LARGE1: variants seen among roughly 807,000 people sequenced by gnomAD.
The protein encoded by LARGE1 is xylosyl- and glucuronyltransferase LARGE1.
Under a neutral mutation model 87.6 loss-of-function variants are expected in LARGE1, and 43 were observed. The observed-to-expected ratio is 0.49, with a 90% CI of 0.38 to 0.63. The LOEUF is 0.63. LARGE1 is among the 30% of genes least tolerant of loss of function. The pLI is 0.00. For missense variants in LARGE1, 802 were observed against 1,000.2 expected (o/e 0.80, Z 2.67); for synonymous variants, 434 against 394.6 (o/e 1.10, Z -1.18).
chr22:33,084,806 T>C, the LARGE1 span, among the ~76,000 whole-genome samples: 1 of 152,238 alleles, frequency 6.6e-6, no homozygotes, highest in Non-Finnish European at 1.5e-5. Flanking sequence ...ATACTACCAT[T>C]TCAACATCTA....
intron 1 of LARGE1, among the ~76,000 whole-genome samples, chr22:33,822,724 G>A (rs1050191340): frequency 1.3e-5 from 2 of 152,136 alleles, no homozygotes; most frequent in African/African-American, 2.4e-5. Context: ...TTAAAAGAAA[G>A]AAATGTAAAT....
chr22:33,711,668 T>C (rs1285755449), intron 2 of LARGE1, among the ~76,000 whole-genome samples: 2 of 152,044 alleles, frequency 1.3e-5, no homozygotes, highest in Non-Finnish European at 2.9e-5. Context: ...TGTTTTAGAG[T>C]TGGGGTCTCA....
At chr22:33,098,721 C>A in the LARGE1 span, among the ~76,000 whole-genome samples, 5 of 152,268 alleles carry the variant, frequency 3.3e-5, no homozygotes, top group South Asian at 1.0e-3. Context: ...AGAAAGAAAC[C>A]TTCCTAGAGC....
intron 11 of LARGE1, among the ~76,000 whole-genome samples, chr22:33,309,165 C>A (rs1201892394): frequency 6.7e-6 from 1 of 148,622 alleles, no homozygotes; most frequent in African/African-American, 2.5e-5. Context: ...GAATGAGATT[C>A]GTGCCTTTTT....
chr22:33,492,956 A>T (rs909344227), intron 6 of LARGE1, among the ~76,000 whole-genome samples: 7 of 152,068 alleles, frequency 4.6e-5, no homozygotes, highest in Admixed American at 1.3e-4. Flanking sequence ...CTCTGCTGTG[A>T]TGCTTCCTCT....
Position 33,304,492 on chromosome 22 carries a change from C to T in LARGE1, c.1467G>A (p.Glu489=). The T allele has an allele frequency of 6.2e-7, 1 of 1,602,294 alleles. No individual in the cohort carries two copies. Among genetic ancestry groups the T allele is most frequent in the South Asian group, 1.1e-5 (1 of 90,074 alleles). The change falls in exon 12 of 15, where the codon GAG becomes GAA. Residue 489 remains glutamate, a synonymous_variant. Transcript: ENST00000397394. ...GCCCCTCCCAGTGCTTGCAGATGGC[C>T]TCCAGCATCTGGAGCCTGGAAGAGA... ...QLSMDRLQML[E]AICKHWEGPI...
chr22:33,294,106 C>T (rs1398488697), intron 12 of LARGE1, among the ~76,000 whole-genome samples: 1 of 152,236 alleles, frequency 6.6e-6, no homozygotes. Flanking sequence ...CCTCTTGTGG[C>T]CCCTACTCCT....
chr22:33,564,375 C>T lies in LARGE1; in HGVS notation c.787+473G>A, dbSNP rs116887317. Among the ~76,000 whole-genome samples the T allele has an allele frequency of 1.7e-3, 262 of 152,172 alleles. 5 individuals carry two copies. The East Asian group carries it at 0.038, about 22-fold the overall frequency. On this transcript the variant is annotated intron_variant, in intron 6 of 14. Coordinates refer to ENST00000397394, the MANE Select transcript of LARGE1 (RefSeq NM_133642.5). The stretch of plus-strand genomic sequence containing the variant: ...AAGAAACCCACCAGACTAGAAAGAA[C>T]GTCTTGTAAAGAAAGCCAAATACAT...
chr22:33,885,598 T>C (rs888316435), intron 1 of LARGE1, among the ~76,000 whole-genome samples: 3 of 152,250 alleles, frequency 2.0e-5, no homozygotes, highest in Admixed American at 2.0e-4. Flanking sequence ...GTTATAATTA[T>C]AATGAAATCT....
chr22:33,827,361 C>A (rs777875216), intron 1 of LARGE1, among the ~76,000 whole-genome samples: 29 of 152,028 alleles, frequency 1.9e-4, no homozygotes, highest in Non-Finnish European at 4.0e-4. Flanking sequence ...CAGAGCAAGA[C>A]CCGGTCTCAA....
In LARGE1 at chr22:33,463,573, A is replaced by G. The variant is rs73409009; in HGVS notation, c.788-31308T>C. ...AAATAAAATTGCAATCAAAATCCCAATGTGTGTGTATGTGTATTTGTACAT... is the reference window on the plus strand; with the variant it reads ...AAATAAAATTGCAATCAAAATCCCAGTGTGTGTGTATGTGTATTTGTACAT... On this transcript the variant is annotated intron_variant, in intron 6 of 14. Transcript: ENST00000397394. Among the ~76,000 whole-genome samples the G allele has an allele frequency of 7.5e-3, 1,137 of 152,320 alleles. 8 individuals are homozygous for G. Among genetic ancestry groups the G allele is most frequent in the African/African-American group, 0.025 (1,055 of 41,558 alleles).
chr22:33,188,287 A>G (rs1009153924), intron 11 of LARGE1, among the ~76,000 whole-genome samples: 6 of 152,154 alleles, frequency 3.9e-5, no homozygotes, highest in Admixed American at 6.5e-5. Flanking sequence ...ACTAATGGAG[A>G]CAGGATGCAT....
chr22:33,203,099 CTCTGTGTGTGTG>C (rs1294766457), intron 11 of LARGE1, among the ~76,000 whole-genome samples: 1 of 129,022 alleles, frequency 7.8e-6, no homozygotes, highest in Non-Finnish European at 1.7e-5. Flanking sequence ...CTCTCTCTCT[CTCTGTGTGTGTG>C]TGTGTGTGTG....
At chr22:33,838,977 T>C (rs1420994780) in intron 1 of LARGE1, among the ~76,000 whole-genome samples, 1 of 152,226 alleles carries the variant, frequency 6.6e-6, no homozygotes, top group Non-Finnish European at 1.5e-5. Context: ...ACCAATGCTT[T>C]TACCTAAACA....
chr22:33,729,931 T>G (rs1424854033), intron 2 of LARGE1, among the ~76,000 whole-genome samples: 1 of 152,204 alleles, frequency 6.6e-6, no homozygotes, highest in Non-Finnish European at 1.5e-5. Flanking sequence ...TGTTGGGGTA[T>G]GGAAATGACA....
the LARGE1 span, chr22:33,105,570 G>C: frequency 2.0e-5 from 3 of 151,806 alleles, no homozygotes; most frequent in Non-Finnish European, 4.4e-5. Flanking sequence ...CTCTTCCCAC[G>C]GCATCCTTGA....
intron 7 of LARGE1, among the ~76,000 whole-genome samples, chr22:33,393,623 G>A (rs2065610320): frequency 6.6e-6 from 1 of 152,234 alleles, no homozygotes; most frequent in Non-Finnish European, 1.5e-5. Flanking sequence ...GGAAGGTGGT[G>A]CCAAAAAGCT....
rs188602420 is a variant in LARGE1 at position 33,292,240 on chromosome 22, C to A, written c.1731-8892G>T. ...TGGGGAATACATTTCTAAAAAATTA[C>A]CCAGTCTCCAGTATTCTGTTATAGC... is the stretch of plus-strand genomic sequence containing the variant. On this transcript the variant is annotated intron_variant, in intron 12 of 14. Coordinates refer to ENST00000397394, the MANE Select transcript of LARGE1 (RefSeq NM_133642.5). Among the ~76,000 whole-genome samples, 305 of 152,252 alleles carry A rather than the reference C, an allele frequency of 2.0e-3. 3 individuals are homozygous for A. The highest frequency in any genetic ancestry group is 3.7e-3 in the Admixed American group (57 of 15,276).
intron 6 of LARGE1, among the ~76,000 whole-genome samples, chr22:33,487,565 G>C (rs1053709333): frequency 6.6e-6 from 1 of 152,164 alleles, no homozygotes; most frequent in East Asian, 1.9e-4. Flanking sequence ...GGTAATCAGA[G>C]AAAGTGCCTA....
Sources: gnomAD v4.1 joint callset for allele counts (sites outside exome capture counted in the v4.1 genomes callset) on GRCh38, gnomAD v4.1.1 for gene constraint, MANE v1.5 for transcripts, NCBI Gene and HGNC (gene_info 2026-07-23, HGNC 2026-07-21) for gene names.